Variants in PRMT5 observed in about 807,000 individuals in gnomAD.
PRMT5 encodes protein arginine N-methyltransferase 5.
PRMT5 carries 15 observed loss-of-function variants against 84.0 expected under a neutral mutation model. That is an observed-to-expected ratio of 0.18 (90% CI 0.12 to 0.28). PRMT5 has a LOEUF of 0.28. Ranked by LOEUF, PRMT5 falls within the 10% of genes least tolerant of loss-of-function variation. PRMT5 has a pLI of 1.00. For synonymous variants in PRMT5, 276 were observed against 292.4 expected (o/e 0.94, Z 0.57); for missense variants, 486 against 808.0 (o/e 0.60, Z 4.83).
Position 22,924,647 on chromosome 14 carries a change from G to A in PRMT5, c.1002C>T (p.Tyr334=), listed in dbSNP as rs115244873. The A allele has an allele frequency of 1.2e-4, 194 of 1,614,106 alleles. 1 individual carries two copies. The African/African-American group carries it at 2.3e-3, about 19-fold the overall frequency. The part of the protein sequence containing the change: ...YEVFEKDPIK[Y]SQYQQAIYKC... ...CACACAGTACCTGCTGGTACTGAGAGTATTTGATGGGGTCCTTTTCAAACA... is the reference window on the plus strand; with the variant it reads ...CACACAGTACCTGCTGGTACTGAGAATATTTGATGGGGTCCTTTTCAAACA... Residue 334 remains tyrosine (Y), a synonymous_variant, in exon 9 of 17, where the codon TAC becomes TAT. Coordinates refer to ENST00000324366, the MANE Select transcript of PRMT5 (RefSeq NM_006109.5). The surrounding 1 kb of genome is among the most constrained non-coding windows in gnomAD (Gnocchi z 6.5).
intron 4 of PRMT5, among the ~76,000 whole-genome samples, chr14:22,927,084 CTTTTT>C (rs34007516): frequency 7.5e-6 from 1 of 132,498 alleles, no homozygotes. Flanking sequence ...CAATACTGAC[CTTTTT>C]TTTTTTTTTT....
Position 22,920,579 on chromosome 14 carries a change from C to G in PRMT5, c.*325G>C. ...TGTATTTCCTCTTACACAAAACCAT[C>G]AAAACAAGAACAGAAAAAGGCTGAA... On this transcript the variant is annotated 3_prime_UTR_variant, in exon 17 of 17. Coordinates refer to ENST00000324366, the MANE Select transcript of PRMT5 (RefSeq NM_006109.5). 1 of 532,822 alleles carries G rather than the reference C, an allele frequency of 1.9e-6. No individual in the cohort carries two copies. The highest frequency in any genetic ancestry group is 3.7e-6 in the Non-Finnish European group (1 of 269,508). 33.0% of individuals were successfully genotyped at this position (532,822 alleles called of 1,614,324 possible).
rs953304206 is a variant in PRMT5, at chr14:22,926,301, A to G, written c.614-5T>C. The G allele has an allele frequency of 1.9e-6, 3 of 1,612,872 alleles. No individual in the cohort carries two copies. The highest frequency in any genetic ancestry group is 2.2e-5 in the South Asian group (2 of 90,998). On this transcript the variant is annotated splice_region_variant and splice_polypyrimidine_tract_variant and intron_variant, in intron 6 of 16. Coordinates refer to ENST00000324366, the MANE Select transcript of PRMT5 (RefSeq NM_006109.5). ...GGTCAGCCCCAATTTCAAGAGCTAC[A>G]TGAGGCAAAAGAAAAACTGTCAACC...
rs2044485119 is a variant in PRMT5, at chr14:22,928,912, T to C, written c.111-297A>G. On this transcript the variant is annotated intron_variant, in intron 1 of 16. Coordinates refer to ENST00000324366, the MANE Select transcript of PRMT5 (RefSeq NM_006109.5). This position sits in a 1 kb window ranked among gnomAD's most constrained non-coding sequence, Gnocchi z 4.8. Reference sequence around the variant, plus strand: ...TTTCCAAGACCATCACATCCAGATTTGCCCCAGTTCTGCCCATGCCTCCCC... The same window carrying C: ...TTTCCAAGACCATCACATCCAGATTCGCCCCAGTTCTGCCCATGCCTCCCC... The C allele has an allele frequency of 3.3e-6, 2 of 602,430 alleles. No individual in the cohort carries two copies. Among genetic ancestry groups the C allele is most frequent in the Admixed American group, 3.0e-5 (1 of 33,628 alleles). The allele number at this position is 602,430 out of a possible 1,614,324, so 37.3% of individuals were successfully genotyped here. A position where few individuals can be genotyped will look rare whatever the true frequency, so the allele number is the denominator to read the frequency against.
intron 4 of PRMT5, among the ~76,000 whole-genome samples, chr14:22,927,205 C>T (rs1195750961): frequency 6.6e-6 from 1 of 151,866 alleles, no homozygotes; most frequent in Non-Finnish European, 1.5e-5. Context: ...CCCACCTCAG[C>T]TTCCCAAGTA....
At position 22,925,035 on chromosome 14, in the gene PRMT5, C is replaced by T; in HGVS notation, c.783G>A (p.Glu261=). The change falls in exon 8 of 17, where the codon GAG becomes GAA. Residue 261 remains glutamate, a synonymous_variant. Transcript: ENST00000324366. ...TGGTGCCTGTGATGATGAACTGCAC[C>T]TCCAACTGTGAGAAAAGTCAGACCA... ...QRLIFRLLKL[E]VQFIITGTNH... 3 of 1,613,704 alleles carry T rather than the reference C, an allele frequency of 1.9e-6. No individual in the cohort carries two copies. Among genetic ancestry groups the T allele is most frequent in the Non-Finnish European group, 2.5e-6 (3 of 1,179,828 alleles).
chr14:22,927,707 CTT>C (rs35227863), intron 3 of PRMT5, 47 bp from the exon 4 acceptor site: 56,947 of 1,273,246 alleles, frequency 0.045, no homozygotes, highest in East Asian at 0.058. Flanking sequence ...AAGCAAACAG[CTT>C]TTTTTTTTTT....
In PRMT5 at chr14:22,920,897, C is replaced by T. The variant is rs752404648; in HGVS notation, c.*7G>A. 8.7e-6 allele frequency: 14 copies of T among 1,613,776 alleles called. No homozygotes were observed. Among genetic ancestry groups the T allele is most frequent in the Admixed American group, 1.7e-5 (1 of 60,000 alleles). On this transcript the variant is annotated 3_prime_UTR_variant, in exon 17 of 17. Coordinates refer to ENST00000324366, the MANE Select transcript of PRMT5 (RefSeq NM_006109.5). ...CTTCCAAGGCTCTGGACACTTGGCA[C>T]GCAGGGCTAGAGGCCAATGGTATAT...
At chr14:22,922,713 A>T in intron 14 of PRMT5, 29 bp downstream of exon 14, 1 of 1,594,432 alleles carries the variant, frequency 6.3e-7, no homozygotes, top group Non-Finnish European at 8.6e-7. Flanking sequence ...GTACCCCTCT[A>T]GTCAGAGGAC....
intron 7 of PRMT5, among the ~76,000 whole-genome samples, chr14:22,925,541 C>A (rs753055738): frequency 2.6e-5 from 4 of 151,980 alleles, no homozygotes; most frequent in Non-Finnish European, 5.9e-5. Flanking sequence ...CCCCCTTGGC[C>A]GGGCGTGGTG....
rs775666680 is a variant in PRMT5 at position 22,926,821 on chromosome 14, A to G, written c.451-7T>C. On this transcript the variant is annotated splice_polypyrimidine_tract_variant and splice_region_variant and intron_variant, in intron 4 of 16. Coordinates refer to ENST00000324366, the MANE Select transcript of PRMT5 (RefSeq NM_006109.5). ...AGGGTACCCGCATCCAGAACTGCAC[A>G]TGAACAGTCACCCTTTTAGAACTCT... 15 of 1,592,030 alleles carry G rather than the reference A, an allele frequency of 9.4e-6. No homozygotes were observed. Among genetic ancestry groups the G allele is most frequent in the Non-Finnish European group, 1.3e-5 (15 of 1,160,044 alleles).
Sources: gnomAD v4.1 joint callset for allele counts (sites outside exome capture counted in the v4.1 genomes callset) on GRCh38, gnomAD v4.1.1 for gene constraint, Gnocchi (gnomAD v3.1) non-coding constraint, MANE v1.5 for transcripts, NCBI Gene and HGNC (gene_info 2026-07-23, HGNC 2026-07-21) for gene names.